Variants in TECRL observed in about 807,000 individuals in gnomAD.
TECRL encodes trans-2,3-enoyl-CoA reductase-like.
In TECRL, 63 loss-of-function variants were observed where a neutral mutation model predicts 52.8. That is an observed-to-expected ratio of 1.19 (90% CI 0.97 to 1.47). The LOEUF is 1.47. Among genes scored for constraint, TECRL ranks in the 40% most tolerant of loss-of-function variants. The pLI, the probability that TECRL is intolerant of heterozygous loss-of-function variation, is 0.00. For missense variants in TECRL, 482 were observed against 429.6 expected (o/e 1.12, Z -1.08); for synonymous variants, 164 against 141.9 (o/e 1.16, Z -1.10).
chr4:64,395,317 T>C (rs1205284582), intron 1 of TECRL, among the ~76,000 whole-genome samples: 1 of 152,200 alleles, frequency 6.6e-6, no homozygotes, highest in African/African-American at 2.4e-5. Flanking sequence ...ACCTAAGTTA[T>C]AAAAGTTACT....
intron 11 of TECRL, 65 bp from the exon 12 acceptor site, chr4:64,280,264 G>A (rs1722753303): frequency 2.5e-6 from 3 of 1,201,464 alleles, no homozygotes; most frequent in Non-Finnish European, 2.2e-6. Context: ...ATTAGGAAAA[G>A]GATCCCTAGC....
At chr4:64,385,796 A>C (rs2109727693) in intron 1 of TECRL, among the ~76,000 whole-genome samples, 1 of 152,230 alleles carries the variant, frequency 6.6e-6, no homozygotes, top group East Asian at 1.9e-4. Context: ...TCCTTATACT[A>C]GTCTTGGGGC....
intron 4 of TECRL, among the ~76,000 whole-genome samples, chr4:64,319,334 A>C (rs1717733242): frequency 6.6e-6 from 1 of 151,964 alleles, no homozygotes; most frequent in Non-Finnish European, 1.5e-5. Context: ...AGTGTAAAAC[A>C]TAAAACTACT....
At chr4:64,304,966 C>A in intron 7 of TECRL, 200 bp downstream of exon 7, 1 of 365,620 alleles carries the variant, frequency 2.7e-6, no homozygotes, top group Non-Finnish European at 4.9e-6. Context: ...TTTGGTGGTT[C>A]GTGTAGAAAC....
chr4:64,289,790 T>G lies in TECRL; in HGVS notation c.775-23A>C, dbSNP rs770086561. On this transcript the variant is annotated intron_variant, in intron 8 of 11. Transcript: ENST00000381210. ...AATCTGCAAAACATTTTAAACACTT[T>G]CAGTGTGATACACCTCTGCCTATTT... The G allele has an allele frequency of 1.1e-5, 16 of 1,505,842 alleles. No individual in the cohort carries two copies. The African/African-American group carries it at 1.3e-4, about 12-fold the overall frequency. The allele number at this position is 1,505,842 out of a possible 1,614,324, so 93.3% of individuals were successfully genotyped here. A position where few individuals can be genotyped will look rare whatever the true frequency, so the allele number is the denominator to read the frequency against.
Position 64,279,558 on chromosome 4 carries a change from C to A in TECRL, c.*514G>T. The stretch of plus-strand genomic sequence containing the variant: ...AAGTGTTAGGATTACAGATATGAAC[C>A]ACCACGGCTGTCATATTTTTTGTCT... On this transcript the variant is annotated 3_prime_UTR_variant, in exon 12 of 12. Transcript: ENST00000381210. 6.3e-6 allele frequency: 1 copy of A among 159,634 alleles called. No individual in the cohort carries two copies. 9.9% of individuals were successfully genotyped at this position (159,634 alleles called of 1,614,324 possible).
chr4:64,352,662 T>C lies in TECRL; in HGVS notation c.286+22510A>G, dbSNP rs192512485. ...AACTATAGCATTACTTCCTCTATAGTAAAATTGAAGCTGCTTTAAAAGCAT... is the reference window on the plus strand; with the variant it reads ...AACTATAGCATTACTTCCTCTATAGCAAAATTGAAGCTGCTTTAAAAGCAT... On this transcript the variant is annotated intron_variant, in intron 2 of 11. Coordinates refer to ENST00000381210, the MANE Select transcript of TECRL (RefSeq NM_001010874.5). 3.8e-4 allele frequency among the ~76,000 whole-genome samples: 58 copies of C among 152,326 alleles called. 1 individual carries two copies. The highest frequency in any genetic ancestry group is 1.3e-3 in the African/African-American group (53 of 41,574).
rs999789381 is a variant in TECRL, at chr4:64,375,262, G to T, written c.235-39C>A. 6 of 1,078,754 alleles carry T rather than the reference G, an allele frequency of 5.6e-6. No homozygotes were observed. In the African/African-American group the frequency reaches 8.5e-5, roughly 15 times the overall value. The allele number at this position is 1,078,754 out of a possible 1,614,324, so 66.8% of individuals were successfully genotyped here. On this transcript the variant is annotated intron_variant, in intron 1 of 11. Coordinates refer to ENST00000381210, the MANE Select transcript of TECRL (RefSeq NM_001010874.5). ...GAAAATAGAGTTATTTTTAAAAACT[G>T]TTAATTTGTTTTCTATCCATTTAAG... is the stretch of plus-strand genomic sequence containing the variant.
At chr4:64,326,519 T>C (rs901724132) in intron 3 of TECRL, among the ~76,000 whole-genome samples, 14 of 152,168 alleles carry the variant, frequency 9.2e-5, no homozygotes, top group Admixed American at 6.6e-5. Context: ...TTTCCAAACC[T>C]GGGCTTCAAC....
At chr4:64,304,106 C>T (rs1724184764) in intron 7 of TECRL, among the ~76,000 whole-genome samples, 2 of 151,778 alleles carry the variant, frequency 1.3e-5, no homozygotes, top group East Asian at 3.9e-4. Context: ...AAATTAACTA[C>T]TATTATTATT....
intron 8 of TECRL, among the ~76,000 whole-genome samples, chr4:64,291,196 A>G (rs1174415780): frequency 6.6e-6 from 1 of 152,058 alleles, no homozygotes; most frequent in Non-Finnish European, 1.5e-5. Context: ...ATTCATGACA[A>G]TTGAGTAAAG....
intron 5 of TECRL, 120 bp from the exon 6 acceptor site, chr4:64,310,051 G>T (rs1724580389): frequency 1.8e-6 from 1 of 563,660 alleles, no homozygotes; most frequent in Admixed American, 3.8e-5. Context: ...ATTGTTTCTG[G>T]TAGCTAAAAC....
intron 2 of TECRL, among the ~76,000 whole-genome samples, chr4:64,360,076 C>A (rs1006526231): frequency 6.6e-6 from 1 of 152,064 alleles, no homozygotes; most frequent in African/African-American, 2.4e-5. Context: ...AACGAGAAAT[C>A]GTAAGTAACC....
intron 2 of TECRL, among the ~76,000 whole-genome samples, chr4:64,345,604 G>T (rs965717983): frequency 1.3e-5 from 2 of 150,944 alleles, no homozygotes; most frequent in South Asian, 4.2e-4. Flanking sequence ...AATGTTAAAT[G>T]ATGAGTTAAT....
chr4:64,276,509 C>T (rs923952169), downstream of TECRL: 1 of 151,672 alleles, frequency 6.6e-6, no homozygotes, highest in African/African-American at 2.4e-5. Flanking sequence ...CAAATTATGA[C>T]ATCTATCATA....
chr4:64,376,457 A>G (rs1289159699), intron 1 of TECRL, among the ~76,000 whole-genome samples: 1 of 151,974 alleles, frequency 6.6e-6, no homozygotes, highest in African/African-American at 2.4e-5. Flanking sequence ...AACAGTTTAT[A>G]TAGAGAGTAA....
chr4:64,322,375 T>C (rs887973324), intron 4 of TECRL, among the ~76,000 whole-genome samples: 1 of 148,360 alleles, frequency 6.7e-6, no homozygotes, highest in Non-Finnish European at 1.5e-5. Context: ...TTCTGTGCAG[T>C]GAGCAGCAGG....
chr4:64,333,396 C>A (rs1425238334), intron 2 of TECRL, among the ~76,000 whole-genome samples: 1 of 151,746 alleles, frequency 6.6e-6, no homozygotes, highest in African/African-American at 2.4e-5. Context: ...ATCTAAAGGA[C>A]CAATTTGAGA....
intron 2 of TECRL, among the ~76,000 whole-genome samples, chr4:64,346,626 C>T (rs959405167): frequency 4.6e-5 from 7 of 152,232 alleles, no homozygotes; most frequent in African/African-American, 1.7e-4. Context: ...CCTGAGACTG[C>T]ACAGATCAGG....
Sources: allele counts gnomAD v4.1 joint callset (sites outside exome capture counted in the v4.1 genomes callset), GRCh38; gene constraint gnomAD v4.1.1; transcripts MANE v1.5; gene names NCBI Gene and HGNC (gene_info 2026-07-23, HGNC 2026-07-21).